GPHN: variants seen among roughly 807,000 people sequenced by gnomAD.
GPHN encodes gephyrin.
GPHN carries 17 observed loss-of-function variants against 95.5 expected under a neutral mutation model. The observed-to-expected ratio is 0.18, with a 90% CI of 0.12 to 0.27. The LOEUF (loss-of-function observed/expected upper bound fraction) is 0.27, where lower values mean the gene tolerates loss of function less well. Ranked by LOEUF, GPHN falls within the 10% of genes least tolerant of loss-of-function variation. The pLI, the probability that GPHN is intolerant of heterozygous loss-of-function variation, is 1.00. For synonymous variants in GPHN, 320 were observed against 322.5 expected (o/e 0.99, Z 0.08); for missense variants, 660 against 978.1 (o/e 0.67, Z 4.34).
chr14:67,337,047 G>A, the GPHN span, among the ~76,000 whole-genome samples: 1 of 152,156 alleles, frequency 6.6e-6, no homozygotes, highest in Non-Finnish European at 1.5e-5. Context: ...AGTTTCCTGT[G>A]TCTCCAATTT....
At chr14:67,676,454 G>C in the GPHN span, among the ~76,000 whole-genome samples, 1 of 152,034 alleles carries the variant, frequency 6.6e-6, no homozygotes, top group East Asian at 1.9e-4. Context: ...GCCTGGGGCC[G>C]GGTGCTGCGG....
the GPHN span, among the ~76,000 whole-genome samples, chr14:67,549,522 C>T: frequency 1.3e-5 from 2 of 152,120 alleles, no homozygotes; most frequent in African/African-American, 2.4e-5. Context: ...CCGCCTGCCT[C>T]GGCCTCCCAA....
chr14:66,635,427 T>C (rs2064043798), intron 1 of GPHN, among the ~76,000 whole-genome samples: 2 of 152,074 alleles, frequency 1.3e-5, no homozygotes, highest in South Asian at 4.1e-4. Context: ...GAAAGATTAT[T>C]AGCAATTTTC....
intron 1 of GPHN, among the ~76,000 whole-genome samples, chr14:66,572,360 A>C (rs945452109): frequency 2.6e-4 from 40 of 152,108 alleles, no homozygotes; most frequent in Admixed American, 1.4e-3. Flanking sequence ...ATTTTACCAG[A>C]ATTTTTACAA....
the GPHN span, among the ~76,000 whole-genome samples, chr14:67,313,420 C>T: frequency 6.6e-6 from 1 of 152,112 alleles, no homozygotes; most frequent in African/African-American, 2.4e-5. Flanking sequence ...GTGGTATAGC[C>T]TATTCCTCCA....
chr14:66,834,645 G>T (rs906850346), intron 4 of GPHN, among the ~76,000 whole-genome samples: 1 of 151,728 alleles, frequency 6.6e-6, no homozygotes, highest in African/African-American at 2.4e-5. Context: ...TGTGCTGCTG[G>T]ATTCGGTTTG....
chr14:67,568,238 T>C, the GPHN span, among the ~76,000 whole-genome samples: 1 of 152,192 alleles, frequency 6.6e-6, no homozygotes, highest in Admixed American at 6.5e-5. Flanking sequence ...ATGTGGTACA[T>C]ATACACCATG....
At chr14:66,727,014 A>G (rs147122743) in intron 2 of GPHN, among the ~76,000 whole-genome samples, 1,828 of 152,306 alleles carry the variant, frequency 0.012, 18 homozygotes, top group Non-Finnish European at 0.018. Context: ...AACTCCCACA[A>G]TTCCCACATG....
intron 16 of GPHN, among the ~76,000 whole-genome samples, chr14:67,113,824 C>T (rs1344119518): frequency 1.3e-5 from 2 of 152,034 alleles, no homozygotes; most frequent in Non-Finnish European, 2.9e-5. Flanking sequence ...TTAGGTTGTG[C>T]AAAACTTCAG....
intron 4 of GPHN, among the ~76,000 whole-genome samples, chr14:66,832,953 G>A (rs1315140328): frequency 6.6e-6 from 1 of 152,148 alleles, no homozygotes; most frequent in Non-Finnish European, 1.5e-5. Flanking sequence ...AAGGCACAGA[G>A]AAATACAAAC....
At chr14:67,265,032 C>T in the GPHN span, among the ~76,000 whole-genome samples, 2 of 152,082 alleles carry the variant, frequency 1.3e-5, no homozygotes, top group East Asian at 3.9e-4. Context: ...TGGGTTTTTA[C>T]TTTGAAGATT....
At chr14:67,392,335 C>G in the GPHN span, 4 of 1,603,860 alleles carry the variant, frequency 2.5e-6, no homozygotes, top group Non-Finnish European at 3.4e-6. Flanking sequence ...CCTGCTTGGC[C>G]AGGTAGCCTT....
At chr14:67,272,951 GGC>G in the GPHN span, among the ~76,000 whole-genome samples, 1 of 152,118 alleles carries the variant, frequency 6.6e-6, no homozygotes, top group Admixed American at 6.6e-5. Flanking sequence ...TGGAATTACA[GGC>G]GTGAGCCACC....
At chr14:67,386,242 T>TA in the GPHN span, 1 of 152,686 alleles carries the variant, frequency 6.5e-6, no homozygotes, top group African/African-American at 2.4e-5. Context: ...GGTAGTCTCT[T>TA]ACCATATAAG....
chr14:67,320,410 G>A, the GPHN span: 2 of 1,579,498 alleles, frequency 1.3e-6, no homozygotes, highest in South Asian at 2.3e-5. Flanking sequence ...AAGTTTGAAT[G>A]CATTCCCATT....
At chr14:67,600,085 G>T in the GPHN span, 5 of 1,593,482 alleles carry the variant, frequency 3.1e-6, no homozygotes, top group African/African-American at 1.3e-5. Context: ...AGCGGTGAGC[G>T]AACGCAGCGA....
chr14:66,807,892 T>G lies in GPHN; in HGVS notation c.202-16582T>G, dbSNP rs8023152. The stretch of plus-strand genomic sequence containing the variant: ...TATGCATTCTTAGATTTCCACCTAA[T>G]GGACAGGATAGACATGACTTAGAAC... On this transcript the variant is annotated intron_variant, in intron 3 of 22. Coordinates refer to ENST00000478722, the MANE Select transcript of GPHN (RefSeq NM_020806.5). 9.4e-3 allele frequency among the ~76,000 whole-genome samples: 1,432 copies of G among 152,332 alleles called. 29 individuals carry two copies. The highest frequency in any genetic ancestry group is 0.034 in the African/African-American group (1,393 of 41,574).
chr14:67,579,422 TA>T, the GPHN span: 8 of 886,940 alleles, frequency 9.0e-6, no homozygotes, highest in East Asian at 2.2e-4. Context: ...GCCCCAGAAG[TA>T]GATATTATGA....
At chr14:67,384,584 A>G in the GPHN span, 1 of 152,298 alleles carries the variant, frequency 6.6e-6, no homozygotes, top group Admixed American at 6.5e-5. Flanking sequence ...CTAGATAGCT[A>G]TTAAGATACT....
Sources: allele counts gnomAD v4.1 joint callset (sites outside exome capture counted in the v4.1 genomes callset), GRCh38; gene constraint gnomAD v4.1.1; transcripts MANE v1.5; gene names NCBI Gene and HGNC (gene_info 2026-07-23, HGNC 2026-07-21).